The following PDZRN4 variants were observed in gnomAD, a reference collection of about 807,000 sequenced individuals.
PDZRN4 encodes the protein PDZ domain containing ring finger 4, also known as PDZ domain-containing RING finger protein 4.
In PDZRN4, 70 loss-of-function variants were observed where a neutral mutation model predicts 99.0. That is an observed-to-expected ratio of 0.71 (90% CI 0.58 to 0.86). The LOEUF is 0.86. Ranked by LOEUF, PDZRN4 falls within the 40% of genes least tolerant of loss-of-function variation. PDZRN4 has a pLI of 0.00. For synonymous variants in PDZRN4, 551 were observed against 501.6 expected, an observed-to-expected ratio of 1.10 and a Z score of -1.32; for missense variants, 1,474 against 1,331.2, an observed-to-expected ratio of 1.11 and a Z score of -1.67.
At chr12:41,354,508 C>A (rs1951913239) in intron 3 of PDZRN4, among the ~76,000 whole-genome samples, 1 of 150,798 alleles carries the variant, frequency 6.6e-6, no homozygotes, top group African/African-American at 2.4e-5. Context: ...AGGACAGAAA[C>A]AAATACTGGC....
chr12:41,554,975 A>G (rs543503401), intron 6 of PDZRN4, among the ~76,000 whole-genome samples: 15 of 150,808 alleles, frequency 9.9e-5, no homozygotes, highest in South Asian at 2.1e-4. Context: ...TTGGGAGGCC[A>G]AGGCGGGCGG....
At chr12:41,393,513 A>T (rs907634475) in intron 3 of PDZRN4, among the ~76,000 whole-genome samples, 36 of 152,294 alleles carry the variant, frequency 2.4e-4, no homozygotes, top group Non-Finnish European at 4.7e-4. Context: ...AAAATAAAAA[A>T]AAAAAATGTA....
At chr12:41,560,052 T>C (rs1209840958) in intron 7 of PDZRN4, among the ~76,000 whole-genome samples, 3 of 152,170 alleles carry the variant, frequency 2.0e-5, no homozygotes, top group Non-Finnish European at 4.4e-5. Flanking sequence ...TATAGCAGCA[T>C]GAGAACAAAC....
intron 3 of PDZRN4, among the ~76,000 whole-genome samples, chr12:41,204,238 T>A (rs1001799035): frequency 6.6e-6 from 1 of 151,950 alleles, no homozygotes; most frequent in Admixed American, 6.6e-5. Context: ...ACTATGGAAA[T>A]CTATCCCCTA....
intron 3 of PDZRN4, among the ~76,000 whole-genome samples, chr12:41,426,472 T>G (rs1952537643): frequency 6.6e-6 from 1 of 152,172 alleles, no homozygotes; most frequent in Non-Finnish European, 1.5e-5. Flanking sequence ...CTATGCTAAA[T>G]GAAGTGGGTC....
intron 3 of PDZRN4, among the ~76,000 whole-genome samples, chr12:41,251,116 G>GTT (rs1027906944): frequency 6.6e-6 from 1 of 152,020 alleles, no homozygotes; most frequent in Admixed American, 6.6e-5. Flanking sequence ...TAAAAGCTCT[G>GTT]TTTTTTTCTG....
rs147041531 is a variant in PDZRN4 at position 41,259,848 on chromosome 12, T to G, written c.843+65660T>G. ...TGGTAACTATTTCACTTACTAGGAT[T>G]ATAAATTCTATTTATTTTGCAAGCA... On this transcript the variant is annotated intron_variant, in intron 3 of 9. Coordinates refer to ENST00000402685, the MANE Select transcript of PDZRN4 (RefSeq NM_001164595.2). Among the ~76,000 whole-genome samples the G allele has an allele frequency of 8.1e-4, 124 of 152,276 alleles. No individual in the cohort carries two copies. The East Asian group carries it at 0.01, about 13-fold the overall frequency.
At chr12:41,222,511 A>G (rs1486466088) in intron 3 of PDZRN4, among the ~76,000 whole-genome samples, 1 of 151,888 alleles carries the variant, frequency 6.6e-6, no homozygotes, top group Non-Finnish European at 1.5e-5. Context: ...AATGTAATAT[A>G]TTACTATTAT....
At chr12:41,308,161 AT>A (rs1284391259) in intron 3 of PDZRN4, among the ~76,000 whole-genome samples, 2 of 152,058 alleles carry the variant, frequency 1.3e-5, no homozygotes, top group Non-Finnish European at 2.9e-5. Flanking sequence ...AGCTATTAAC[AT>A]TTTTCCCTTT....
At chr12:41,265,480 C>T (rs937139795) in intron 3 of PDZRN4, among the ~76,000 whole-genome samples, 4 of 152,118 alleles carry the variant, frequency 2.6e-5, no homozygotes, top group Admixed American at 6.5e-5. Flanking sequence ...CAGCAAGGAC[C>T]GATCTCAAAT....
chr12:41,233,190 C>T (rs1371450280), intron 3 of PDZRN4, among the ~76,000 whole-genome samples: 2 of 152,124 alleles, frequency 1.3e-5, no homozygotes, highest in Non-Finnish European at 2.9e-5. Context: ...TGAAAAAATG[C>T]TCATCATCAC....
intron 3 of PDZRN4, among the ~76,000 whole-genome samples, chr12:41,479,121 GAAT>G (rs1387819781): frequency 6.6e-6 from 1 of 152,100 alleles, no homozygotes; most frequent in African/African-American, 2.4e-5. Context: ...CCAGGATTAG[GAAT>G]AATGACTTTT....
At chr12:41,557,751 T>C (rs2120817877) in intron 7 of PDZRN4, among the ~76,000 whole-genome samples, 1 of 152,276 alleles carries the variant, frequency 6.6e-6, no homozygotes, top group South Asian at 2.1e-4. Context: ...TGTGAATTAA[T>C]GATCGTTTGG....
chr12:41,249,089 A>G (rs751906204), intron 3 of PDZRN4, among the ~76,000 whole-genome samples: 2 of 152,218 alleles, frequency 1.3e-5, no homozygotes, highest in African/African-American at 2.4e-5. Flanking sequence ...CATGTTATAC[A>G]TGCATATTCA....
At position 41,573,757 on chromosome 12, in the gene PDZRN4, A is replaced by G. The variant is rs1939527769; in HGVS notation, c.2978A>G (p.Lys993Arg). The G allele has an allele frequency of 1.2e-6, 2 of 1,613,940 alleles. No individual in the cohort carries two copies. Among genetic ancestry groups the G allele is most frequent in the Non-Finnish European group, 1.7e-6 (2 of 1,179,948 alleles). ...ATCAATATCATTGAACTGAGTCACA[A>G]AAAGATGATGAAAAAGAGAAACAAG... ...KEINIIELSH[K>R]KMMKKRNKKI... The change falls in exon 10 of 10, where the codon AAA becomes AGA. Residue 993 changes from lysine (K) to arginine (R), a missense_variant. Transcript: ENST00000402685.
intron 3 of PDZRN4, among the ~76,000 whole-genome samples, chr12:41,278,957 A>C (rs1951366771): frequency 6.6e-6 from 1 of 152,176 alleles, no homozygotes; most frequent in Non-Finnish European, 1.5e-5. Context: ...CTAAAACAGA[A>C]AGAAAAAGTC....
intron 3 of PDZRN4, among the ~76,000 whole-genome samples, chr12:41,380,202 T>C (rs1417776099): frequency 6.6e-6 from 1 of 152,086 alleles, no homozygotes; most frequent in Non-Finnish European, 1.5e-5. Flanking sequence ...ATATCTTTTT[T>C]TATTCCATCA....
chr12:41,489,323 A>T (rs1937837694), intron 3 of PDZRN4, among the ~76,000 whole-genome samples: 1 of 152,112 alleles, frequency 6.6e-6, no homozygotes, highest in Admixed American at 6.6e-5. Context: ...AACATCCTTA[A>T]TGCAGAAGAC....
At chr12:41,521,031 A>T (rs1331842201) in intron 5 of PDZRN4, among the ~76,000 whole-genome samples, 2 of 152,144 alleles carry the variant, frequency 1.3e-5, no homozygotes, top group Non-Finnish European at 2.9e-5. Flanking sequence ...CTATTATAGA[A>T]GTCACAGTTT....
Sources: gnomAD v4.1 joint callset for allele counts (sites outside exome capture counted in the v4.1 genomes callset) on GRCh38, gnomAD v4.1.1 for gene constraint, MANE v1.5 for transcripts, NCBI Gene and HGNC (gene_info 2026-07-23, HGNC 2026-07-21) for gene names.